USP45: variants seen among roughly 807,000 people sequenced by gnomAD.
USP45 encodes ubiquitin specific peptidase 45.
A neutral mutation model predicts 95.8 loss-of-function variants in USP45; 89 were observed. The observed-to-expected ratio is 0.93, with a 90% confidence interval of 0.78 to 1.11. The LOEUF is 1.11. Ranked by LOEUF, USP45 falls within the 50% of genes least tolerant of loss-of-function variation. The probability of loss-of-function intolerance (pLI) is 0.00; values close to 1 mark genes in which losing one functional copy is unlikely to be tolerated. For synonymous variants in USP45, 281 were observed against 316.2 expected (o/e 0.89, Z 1.18); for missense variants, 898 against 942.5 (o/e 0.95, Z 0.62).
In USP45 at chr6:99,503,840, A is replaced by T. The variant is rs763413017; in HGVS notation, c.403T>A (p.Ser135Thr). The T allele has an allele frequency of 2.5e-6, 4 of 1,593,832 alleles. No individual in the cohort carries two copies. Among genetic ancestry groups the T allele is most frequent in the Admixed American group, 3.4e-5 (2 of 57,974 alleles). ...AAAACCTTCTTATTACAATGCGTTG[A>T]TAATTTTTCATCACATTCATAACAC... ...IWCYECDEKLSTHCNKKVLAQ... is the reference protein window; with the variant it reads ...IWCYECDEKLTTHCNKKVLAQ... The change falls in exon 5 of 18, where the codon TCA (serine) becomes ACA (threonine). Residue 135 changes from serine to threonine, a missense_variant. Coordinates refer to ENST00000500704, the MANE Select transcript of USP45 (RefSeq NM_001346022.3).
chr6:99,489,833 C>T (rs534450907), intron 5 of USP45, among the ~76,000 whole-genome samples: 1 of 152,130 alleles, frequency 6.6e-6, no homozygotes, highest in East Asian at 1.9e-4. Flanking sequence ...AGCCTGTAGT[C>T]CCAACTACTC....
intron 14 of USP45, among the ~76,000 whole-genome samples, chr6:99,445,254 G>T (rs1424655400): frequency 6.6e-6 from 1 of 152,146 alleles, no homozygotes; most frequent in Non-Finnish European, 1.5e-5. Context: ...GGAGGCCAAG[G>T]CGGGTGGATC....
At chr6:99,450,200 T>A (rs907599839) in intron 13 of USP45, among the ~76,000 whole-genome samples, 1 of 151,500 alleles carries the variant, frequency 6.6e-6, no homozygotes, top group Non-Finnish European at 1.5e-5. Context: ...CTGAAAGAGA[T>A]AGAGACACAA....
At chr6:99,456,448 C>A (rs181908433) in intron 13 of USP45, among the ~76,000 whole-genome samples, 1 of 152,136 alleles carries the variant, frequency 6.6e-6, no homozygotes, top group Non-Finnish European at 1.5e-5. Flanking sequence ...AAGTCAGGGA[C>A]CCCAAATGGA....
intron 13 of USP45, chr6:99,462,455 C>T: frequency 2.0e-6 from 2 of 982,942 alleles, no homozygotes; most frequent in Non-Finnish European, 1.2e-6. Flanking sequence ...AATCACTACA[C>T]ATTTATATTT....
At chr6:99,471,888 G>A (rs1789485578) in intron 9 of USP45, among the ~76,000 whole-genome samples, 1 of 152,156 alleles carries the variant, frequency 6.6e-6, no homozygotes, top group African/African-American at 2.4e-5. Context: ...TACTGTAGCT[G>A]ACCGTCAGGA....
chr6:99,501,776 C>A (rs1380885136), intron 5 of USP45: 2 of 444,600 alleles, frequency 4.5e-6, no homozygotes, highest in Non-Finnish European at 6.8e-6. Context: ...ACAAAGTATA[C>A]AATAACAAAA....
intron 13 of USP45, among the ~76,000 whole-genome samples, chr6:99,458,270 C>T (rs867850957): frequency 3.9e-5 from 6 of 152,232 alleles, no homozygotes; most frequent in Admixed American, 2.6e-4. Context: ...CTGCCTGCCT[C>T]GGCCTCCCAA....
At chr6:99,504,237 T>C (rs533076510) in intron 4 of USP45, among the ~76,000 whole-genome samples, 2 of 152,226 alleles carry the variant, frequency 1.3e-5, no homozygotes, top group East Asian at 1.9e-4. Flanking sequence ...GCCTCCAGGG[T>C]TCAAGTGACT....
intron 8 of USP45, among the ~76,000 whole-genome samples, chr6:99,479,893 T>C (rs1011422681): frequency 1.3e-5 from 2 of 152,182 alleles, no homozygotes; most frequent in African/African-American, 2.4e-5. Context: ...GCAATATGTA[T>C]TGGTTGTCCC....
chr6:99,437,268 G>A lies in USP45; in HGVS notation c.2292C>T (p.Asn764=). The change falls in exon 17 of 18, where the codon AAC becomes AAT. Residue 764 remains asparagine (N), a synonymous_variant. Transcript: ENST00000500704. ...TACCAGGCACATTTTTCTTTTTAGT[G>A]TTATGTTCCGATAATTTCCTGGAGG... The part of the protein sequence containing the change: ...RTPSRKLSEH[N]TKKKNVPGLK... 1 of 1,609,284 alleles carries A rather than the reference G, an allele frequency of 6.2e-7. No individual in the cohort carries two copies. Among genetic ancestry groups the A allele is most frequent in the South Asian group, 1.1e-5 (1 of 89,602 alleles).
chr6:99,464,460 CA>C, intron 13 of USP45, 143 bp downstream of exon 13: 2 of 762,232 alleles, frequency 2.6e-6, no homozygotes, highest in African/African-American at 3.5e-5. Context: ...AGTTAGTATA[CA>C]AGTAGCCAAG....
In USP45 at chr6:99,488,275, A is replaced by C. The variant is rs1794432729; in HGVS notation, c.639T>G (p.Thr213=). The C allele has an allele frequency of 2.5e-6, 4 of 1,608,632 alleles. No homozygotes were observed. The highest frequency in any genetic ancestry group is 3.4e-6 in the Non-Finnish European group (4 of 1,178,366). ...AVMQNLAQTY[T]LTDLMNEIKE... is the part of the protein sequence containing the mutation. ...TGATCTCATTCATCAGATCAGTAAG[A>C]GTATAAGTCTGTGCCAAGTTCTAAA... Residue 213 remains threonine, a synonymous_variant, in exon 7 of 18, where the codon ACT becomes ACG. Coordinates refer to ENST00000500704, the MANE Select transcript of USP45 (RefSeq NM_001346022.3).
intron 14 of USP45, among the ~76,000 whole-genome samples, chr6:99,444,331 T>G (rs1227011192): frequency 6.6e-6 from 1 of 152,190 alleles, no homozygotes; most frequent in Non-Finnish European, 1.5e-5. Context: ...TCTAAATTCC[T>G]AAGATTTATG....
intron 13 of USP45, among the ~76,000 whole-genome samples, chr6:99,463,434 A>C (rs1383864397): frequency 1.3e-5 from 2 of 152,226 alleles, no homozygotes; most frequent in Admixed American, 6.5e-5. Context: ...AGGAGAAATA[A>C]AGGTGACAGA....
chr6:99,472,355 A>AG (rs1789635866), intron 9 of USP45, among the ~76,000 whole-genome samples: 1 of 151,836 alleles, frequency 6.6e-6, no homozygotes, highest in Non-Finnish European at 1.5e-5. Context: ...AGCCAGGATT[A>AG]CAGACACGCA....
intron 9 of USP45, among the ~76,000 whole-genome samples, chr6:99,475,881 G>A (rs1230767693): frequency 6.6e-6 from 1 of 152,130 alleles, no homozygotes; most frequent in Non-Finnish European, 1.5e-5. Flanking sequence ...GAGTAGTGCA[G>A]TAGCGGGATC....
intron 16 of USP45, among the ~76,000 whole-genome samples, chr6:99,439,287 T>C (rs1361796811): frequency 6.6e-6 from 1 of 152,234 alleles, no homozygotes; most frequent in Non-Finnish European, 1.5e-5. Context: ...CTGCTTTCTG[T>C]ACCTAATTAT....
chr6:99,450,030 A>G (rs1783489722), intron 13 of USP45, among the ~76,000 whole-genome samples: 1 of 152,230 alleles, frequency 6.6e-6, no homozygotes, highest in Non-Finnish European at 1.5e-5. Flanking sequence ...CATTTAAAGC[A>G]GTGTGTAGAG....
Sources: allele counts gnomAD v4.1 joint callset (sites outside exome capture counted in the v4.1 genomes callset), GRCh38; gene constraint gnomAD v4.1.1; transcripts MANE v1.5; gene names NCBI Gene and HGNC (gene_info 2026-07-23, HGNC 2026-07-21).